RELN: variants seen among roughly 807,000 people sequenced by gnomAD.
RELN encodes reelin.
Under a neutral mutation model 427.6 loss-of-function variants are expected in RELN, and 108 were observed. The ratio of observed to expected loss-of-function variants is 0.25; its 90% CI spans 0.22 to 0.30. The LOEUF is 0.30. RELN is among the 10% of genes least tolerant of loss of function. The probability of loss-of-function intolerance (pLI) is 1.00; values close to 1 mark genes in which losing one functional copy is unlikely to be tolerated. For synonymous variants in RELN, 1,524 were observed against 1,513.4 expected (o/e 1.01, Z -0.16); for missense variants, 3,715 against 4,302.8 (o/e 0.86, Z 3.82).
chr7:103,783,035 T>C (rs1403155291), intron 3 of RELN, among the ~76,000 whole-genome samples: 1 of 152,096 alleles, frequency 6.6e-6, no homozygotes, highest in African/African-American at 2.4e-5. Flanking sequence ...TAACTAAATA[T>C]GTGGAATATG....
At chr7:103,932,686 T>C (rs897700224) in intron 1 of RELN, among the ~76,000 whole-genome samples, 19 of 152,284 alleles carry the variant, frequency 1.2e-4, no homozygotes, top group South Asian at 2.1e-4. Flanking sequence ...TTCACTGACA[T>C]AGGATTCCCA....
chr7:103,887,644 T>C (rs1324914443), intron 2 of RELN, among the ~76,000 whole-genome samples: 1 of 152,116 alleles, frequency 6.6e-6, no homozygotes, highest in Non-Finnish European at 1.5e-5. Context: ...GGATGTTATA[T>C]GAGTAAGAGA....
intron 22 of RELN, among the ~76,000 whole-genome samples, chr7:103,607,760 A>C (rs1379723795): frequency 6.6e-6 from 1 of 152,176 alleles, no homozygotes; most frequent in African/African-American, 2.4e-5. Context: ...TGTATTTTCC[A>C]CCTTCAGAGT....
At chr7:103,528,027 G>A (rs1345951399) in intron 46 of RELN, among the ~76,000 whole-genome samples, 1 of 152,178 alleles carries the variant, frequency 6.6e-6, no homozygotes, top group Non-Finnish European at 1.5e-5. Flanking sequence ...TTCTCAAAAT[G>A]TTGAACATAA....
At chr7:103,720,175 G>A (rs751446881) in intron 8 of RELN, among the ~76,000 whole-genome samples, 1 of 100,862 alleles carries the variant, frequency 9.9e-6, no homozygotes, top group South Asian at 2.9e-4. Flanking sequence ...TATAAACATT[G>A]TGTGTGTGTG....
At chr7:103,630,871 T>TTG (rs1832447455) in intron 19 of RELN, among the ~76,000 whole-genome samples, 3 of 150,320 alleles carry the variant, frequency 2.0e-5, no homozygotes, top group East Asian at 1.9e-4. Context: ...TTTTTTTTTT[T>TTG]TTTGTTTTTT....
chr7:103,774,237 T>A (rs1791679524), intron 4 of RELN, among the ~76,000 whole-genome samples: 1 of 147,960 alleles, frequency 6.8e-6, no homozygotes, highest in Non-Finnish European at 1.5e-5. Flanking sequence ...GTGGAGGTTG[T>A]GGTTAGCCGA....
rs1323118560 is a variant in RELN at position 103,778,038 on chromosome 7, C to T, written c.474-1411G>A. 2.6e-5 allele frequency among the ~76,000 whole-genome samples: 4 copies of T among 152,204 alleles called. No homozygotes were observed. In the East Asian group the frequency reaches 7.7e-4, roughly 29 times the overall value. On this transcript the variant is annotated intron_variant, in intron 3 of 64. Transcript: ENST00000428762. ...TAAGGGGCGTCAGCCCTTGTTGTTG[C>T]ATATTAATCATTATCAAAATTACAC...
chr7:103,696,813 A>G (rs933315496), intron 10 of RELN, among the ~76,000 whole-genome samples: 2 of 152,120 alleles, frequency 1.3e-5, no homozygotes, highest in Non-Finnish European at 2.9e-5. Flanking sequence ...GGATATTTCA[A>G]AAACAAATAT....
intron 3 of RELN, among the ~76,000 whole-genome samples, chr7:103,831,522 G>T (rs1273631923): frequency 6.6e-6 from 1 of 152,094 alleles, no homozygotes; most frequent in Non-Finnish European, 1.5e-5. Flanking sequence ...GTGACTATAC[G>T]CGTCAATTTT....
intron 4 of RELN, among the ~76,000 whole-genome samples, chr7:103,765,016 A>C (rs1584474972): frequency 6.6e-6 from 1 of 152,038 alleles, no homozygotes; most frequent in East Asian, 1.9e-4. Flanking sequence ...GATGGTTTCC[A>C]GGGAGTGCTG....
At chr7:103,474,474 C>G (rs907083921) in intron 64 of RELN, among the ~76,000 whole-genome samples, 9 of 151,906 alleles carry the variant, frequency 5.9e-5, no homozygotes, top group Non-Finnish European at 1.0e-4. Context: ...TATCCTCCCC[C>G]TCCCATCCCC....
Position 103,635,216 on chromosome 7 carries a change from A to C in RELN, c.2465+209T>G, listed in dbSNP as rs1386148103. 2.0e-5 allele frequency among the ~76,000 whole-genome samples: 3 copies of C among 152,154 alleles called. No individual in the cohort carries two copies. The East Asian group carries it at 5.8e-4, about 29-fold the overall frequency. On this transcript the variant is annotated intron_variant, in intron 19 of 64. Coordinates refer to ENST00000428762, the MANE Select transcript of RELN (RefSeq NM_005045.4). Reference sequence around the variant, plus strand: ...TATTTCCCTTAGATCCATATTTAAAACTATGACAATAAATTCCTTCAAATG... The same window carrying C: ...TATTTCCCTTAGATCCATATTTAAACCTATGACAATAAATTCCTTCAAATG...
rs376409734 is a variant in RELN, at chr7:103,515,076, C to T, written c.8119+109G>A. 2,109 of 1,363,606 alleles carry T rather than the reference C, an allele frequency of 1.5e-3. 50 individuals carry two copies. In the South Asian group the frequency reaches 0.025, roughly 16 times the overall value. 84.5% of individuals were successfully genotyped at this position (1,363,606 alleles called of 1,614,324 possible). On this transcript the variant is annotated intron_variant, in intron 50 of 64. Coordinates refer to ENST00000428762, the MANE Select transcript of RELN (RefSeq NM_005045.4). ...GATGACACCCTTTTCAGCGTTTCTA[C>T]ACCACTGGAACATCTGAAAAGGTTC...
chr7:103,481,562 T>C (rs1828239355), intron 63 of RELN, among the ~76,000 whole-genome samples: 1 of 152,126 alleles, frequency 6.6e-6, no homozygotes, highest in South Asian at 2.1e-4. Context: ...TAAAGCCCCA[T>C]CCAAAGGGAT....
chr7:103,510,227 T>G (rs1829360666), intron 51 of RELN, among the ~76,000 whole-genome samples: 1 of 152,152 alleles, frequency 6.6e-6, no homozygotes, highest in African/African-American at 2.4e-5. Context: ...TAGCAAAGAC[T>G]TGGAACCAAC....
At chr7:103,474,785 CCTT>C (rs1354084479) in intron 64 of RELN, among the ~76,000 whole-genome samples, 3 of 148,822 alleles carry the variant, frequency 2.0e-5, no homozygotes, top group East Asian at 3.9e-4. Context: ...GAACTAGCCT[CCTT>C]AACTTTTTTC....
At chr7:103,790,607 G>T (rs1792137598) in intron 3 of RELN, among the ~76,000 whole-genome samples, 1 of 152,066 alleles carries the variant, frequency 6.6e-6, no homozygotes, top group Non-Finnish European at 1.5e-5. Flanking sequence ...TTTGGAGATG[G>T]GGTCTTTGGG....
chr7:103,924,450 A>G (rs1251407333), intron 1 of RELN, among the ~76,000 whole-genome samples: 1 of 152,146 alleles, frequency 6.6e-6, no homozygotes, highest in Non-Finnish European at 1.5e-5. Context: ...CACCTCTGAA[A>G]GCAAGCGGAG....
Sources: allele counts gnomAD v4.1 joint callset (sites outside exome capture counted in the v4.1 genomes callset), GRCh38; gene constraint gnomAD v4.1.1; transcripts MANE v1.5; gene names NCBI Gene and HGNC (gene_info 2026-07-23, HGNC 2026-07-21).